Variants in SMG1 observed in about 807,000 individuals in gnomAD.
SMG1 encodes serine/threonine-protein kinase SMG1.
In SMG1, 22 loss-of-function variants were observed where a neutral mutation model predicts 419.9. The observed-to-expected ratio is 0.05, with a 90% CI of 0.04 to 0.07. The LOEUF is 0.07. Ranked by LOEUF, SMG1 falls within the 10% of genes least tolerant of loss-of-function variation. The pLI, the probability that SMG1 is intolerant of heterozygous loss-of-function variation, is 1.00. For synonymous variants in SMG1, 1,538 were observed against 1,553.5 expected, an observed-to-expected ratio of 0.99 and a Z score of 0.23; for missense variants, 3,185 against 4,342.0, an observed-to-expected ratio of 0.73 and a Z score of 7.49.
chr16:18,816,623 G>T, intron 57 of SMG1, 94 bp from the exon 58 acceptor site: 1 of 1,026,670 alleles, frequency 9.7e-7, no homozygotes, highest in Non-Finnish European at 1.4e-6. Context: ...AGTAACTCAA[G>T]CTGACACAAA....
At chr16:18,885,723 C>A in intron 6 of SMG1, 57 bp from the exon 7 acceptor site, 2 of 1,521,144 alleles carry the variant, frequency 1.3e-6, no homozygotes, top group Non-Finnish European at 9.0e-7. Flanking sequence ...AGAAAACAAG[C>A]AAATTAGGTT....
intron 1 of SMG1, among the ~76,000 whole-genome samples, chr16:18,903,428 G>A (rs1362344702): frequency 6.6e-6 from 1 of 152,102 alleles, no homozygotes. Flanking sequence ...TTCCCTCACC[G>A]GGTTTCTTTC....
In SMG1 at chr16:18,819,488, G is replaced by A. The variant is rs1431732983; in HGVS notation, c.9894+14C>T. On this transcript the variant is annotated intron_variant, in intron 56 of 62. Coordinates refer to ENST00000446231, the MANE Select transcript of SMG1 (RefSeq NM_015092.5). The stretch of plus-strand genomic sequence containing the variant: ...AAAAGTGAATACAAAGATGGTGCAT[G>A]TAAGTCACAATACCTGACTTGCTCT... 6.2e-7 allele frequency: 1 copy of A among 1,608,082 alleles called. No individual in the cohort carries two copies. Among genetic ancestry groups the A allele is most frequent in the Middle Eastern group, 1.7e-4 (1 of 6,050 alleles).
intron 1 of SMG1, among the ~76,000 whole-genome samples, chr16:18,924,568 CAT>C (rs2038318927): frequency 6.6e-6 from 1 of 152,146 alleles, no homozygotes. Context: ...GCATGTCAAT[CAT>C]AGAAAAAAAT....
At chr16:18,874,090 T>C (rs558072831) in intron 13 of SMG1, among the ~76,000 whole-genome samples, 2 of 152,330 alleles carry the variant, frequency 1.3e-5, no homozygotes, top group East Asian at 3.9e-4. Flanking sequence ...GTTTTACCTT[T>C]TTCCTCCTAA....
At chr16:18,817,650 T>C (rs1265454257) in intron 56 of SMG1, among the ~76,000 whole-genome samples, 180 bp from the exon 57 acceptor site, 1 of 152,222 alleles carries the variant, frequency 6.6e-6, no homozygotes, top group African/African-American at 2.4e-5. Context: ...AATGTACATT[T>C]ATACTGACAC....
chr16:18,839,425 T>TA (rs923632680), intron 42 of SMG1, among the ~76,000 whole-genome samples: 29 of 152,304 alleles, frequency 1.9e-4, no homozygotes, highest in African/African-American at 6.0e-4. Context: ...CTCCCACTTA[T>TA]AAGTGAGAAC....
chr16:18,843,658 A>C (rs1263719710), intron 39 of SMG1, among the ~76,000 whole-genome samples: 2 of 152,232 alleles, frequency 1.3e-5, no homozygotes, highest in Non-Finnish European at 2.9e-5. Flanking sequence ...AATTATTTTA[A>C]AACTTAATAC....
intron 42 of SMG1, 125 bp from the exon 43 acceptor site, chr16:18,838,814 C>A: frequency 1.5e-6 from 1 of 689,380 alleles, no homozygotes; most frequent in Middle Eastern, 2.5e-4. Context: ...AATAAATCAA[C>A]AAATAAAAAG....
Position 18,882,231 on chromosome 16 carries a change from C to T in SMG1, c.1227G>A (p.Val409=). 6.2e-7 allele frequency: 1 copy of T among 1,608,252 alleles called. No homozygotes were observed. The highest frequency in any genetic ancestry group is 8.5e-7 in the Non-Finnish European group (1 of 1,177,986). ...GGCTGAAGCGTTCCCCAATGCTCCTCACCACAGTACTAAATACCCGGAGAA... is the reference window on the plus strand; with the variant it reads ...GGCTGAAGCGTTCCCCAATGCTCCTTACCACAGTACTAAATACCCGGAGAA... The part of the protein sequence containing the change: ...AALLRVFSTV[V]RSIGERFSPI... Residue 409 remains valine, a synonymous_variant, in exon 10 of 63, where the codon GTG becomes GTA. Transcript: ENST00000446231.
rs1287879579 is a variant in SMG1 at position 18,912,229 on chromosome 16, TAGG to T, written c.92+13718_92+13720del. 2.7e-5 allele frequency among the ~76,000 whole-genome samples: 4 copies of T among 150,022 alleles called. No individual in the cohort carries two copies. The East Asian group carries it at 6.0e-4, about 22-fold the overall frequency. On this transcript the variant is annotated intron_variant, in intron 1 of 62. Transcript: ENST00000446231. Reference sequence around the variant, plus strand: ...AAAAGAAAAGGGAACAAATTTCACATAGGAGAATAGTTTTTGAAATCTTTGCAC... The same window carrying T: ...AAAAGAAAAGGGAACAAATTTCACATAGAATAGTTTTTGAAATCTTTGCAC...
chr16:18,851,988 A>G (rs1481212310), intron 33 of SMG1, 79 bp downstream of exon 33: 1 of 1,433,592 alleles, frequency 7.0e-7, no homozygotes, highest in Non-Finnish European at 9.3e-7. Flanking sequence ...TCAGTATTTT[A>G]TCAAATATAT....
In SMG1 at chr16:18,865,020, G is replaced by A. The variant is rs188021638; in HGVS notation, c.3351-876C>T. On this transcript the variant is annotated intron_variant, in intron 23 of 62. Coordinates refer to ENST00000446231, the MANE Select transcript of SMG1 (RefSeq NM_015092.5). ...TGTCAGTGTGTGGAAAGGCTTTGTA[G>A]AAGGATAAAATCCAAGAAAAGATGC... is the stretch of plus-strand genomic sequence containing the variant. 2.2e-3 allele frequency among the ~76,000 whole-genome samples: 333 copies of A among 152,312 alleles called. 5 individuals carry two copies. The highest frequency in any genetic ancestry group is 7.3e-3 in the African/African-American group (305 of 41,570).
chr16:18,842,588 G>A, intron 39 of SMG1, 134 bp from the exon 40 acceptor site: 1 of 785,608 alleles, frequency 1.3e-6, no homozygotes, highest in Non-Finnish European at 2.0e-6. Context: ...ACTTTGGGAG[G>A]CCGAGGTAGG....
chr16:18,925,837 G>A (rs1329117738), intron 1 of SMG1, 113 bp downstream of exon 1: 12 of 795,020 alleles, frequency 1.5e-5, no homozygotes, highest in South Asian at 2.2e-5. Flanking sequence ...GCCGCGCCCG[G>A]CTCCGAGGGG....
Position 18,883,070 on chromosome 16 carries a change from A to G in SMG1, c.1120-732T>C, listed in dbSNP as rs186322891. 3.5e-4 allele frequency among the ~76,000 whole-genome samples: 54 copies of G among 152,338 alleles called. 1 individual carries two copies. In the East Asian group the frequency reaches 5.0e-3, roughly 14 times the overall value. On this transcript the variant is annotated intron_variant, in intron 9 of 62. Transcript: ENST00000446231. Reference sequence around the variant, plus strand: ...CGAAACACTTCCTTGCTTTTCTAGGAAAGAGTAAACAAATCAGTACAGCTA... The same window carrying G: ...CGAAACACTTCCTTGCTTTTCTAGGGAAGAGTAAACAAATCAGTACAGCTA...
intron 31 of SMG1, among the ~76,000 whole-genome samples, chr16:18,852,856 T>C (rs2034676722): frequency 6.6e-6 from 1 of 152,244 alleles, no homozygotes; most frequent in Non-Finnish European, 1.5e-5. Flanking sequence ...ATGAGTATAC[T>C]GTTTCATTCA....
Position 18,868,260 on chromosome 16 carries a change from C to A in SMG1, c.3125G>T (p.Gly1042Val). ...LSIMRVGLLA[G>V]QPAVTVRHGF... ...ATGTCTCACTGTCACTGCAGGCTGG[C>A]CTGCCAACAATCCTACCCTCATGAT... Residue 1042 changes from glycine to valine, a missense_variant, in exon 22 of 63, where the codon GGC becomes GTC. By Grantham distance (109) the Gly-to-Val change is moderately radical (BLOSUM62 -3). Coordinates refer to ENST00000446231, the MANE Select transcript of SMG1 (RefSeq NM_015092.5). 1 of 1,530,720 alleles carries A rather than the reference C, an allele frequency of 6.5e-7. No homozygotes were observed. Among genetic ancestry groups the A allele is most frequent in the Non-Finnish European group, 8.8e-7 (1 of 1,138,762 alleles). The allele number at this position is 1,530,720 out of a possible 1,614,324, so 94.8% of individuals were successfully genotyped here.
At chr16:18,883,687 T>C (rs527975977) in intron 9 of SMG1, among the ~76,000 whole-genome samples, 67 of 152,038 alleles carry the variant, frequency 4.4e-4, no homozygotes, top group Non-Finnish European at 5.3e-4. Flanking sequence ...GGGAGGCCGA[T>C]GCGGGTGGAT....
Sources: allele counts gnomAD v4.1 joint callset (sites outside exome capture counted in the v4.1 genomes callset), GRCh38; gene constraint gnomAD v4.1.1; transcripts MANE v1.5; gene names NCBI Gene and HGNC (gene_info 2026-07-23, HGNC 2026-07-21).